The following TC2N variants were observed in gnomAD, a reference collection of about 807,000 sequenced individuals.
The protein encoded by TC2N is tandem C2 domains, nuclear.
TC2N carries 51 observed loss-of-function variants against 61.9 expected under a neutral mutation model. The observed-to-expected ratio is 0.82, with a 90% CI of 0.66 to 1.04. The LOEUF is 1.04. Ranked by LOEUF, TC2N falls within the 50% of genes least tolerant of loss-of-function variation. TC2N has a pLI of 0.00. For missense variants in TC2N, 556 were observed against 566.7 expected (o/e 0.98, Z 0.19); for synonymous variants, 204 against 192.6 (o/e 1.06, Z -0.49).
intron 1 of TC2N, among the ~76,000 whole-genome samples, chr14:91,821,138 A>C (rs990424995): frequency 5.3e-5 from 8 of 152,018 alleles, no homozygotes; most frequent in African/African-American, 1.9e-4. Flanking sequence ...CCTAAAACTC[A>C]TATGGGAACG....
At chr14:91,850,424 C>T (rs1888352183) in intron 1 of TC2N, among the ~76,000 whole-genome samples, 1 of 152,208 alleles carries the variant, frequency 6.6e-6, no homozygotes, top group East Asian at 1.9e-4. Flanking sequence ...TCAGTACCAG[C>T]CTGTGGCCTA....
chr14:91,800,332 C>T lies in TC2N; in HGVS notation c.510G>A (p.Gly170=), dbSNP rs1886163372. Residue 170 remains glycine (G), a synonymous_variant, in exon 5 of 12, where the codon GGG becomes GGA. Coordinates refer to ENST00000435962, the MANE Select transcript of TC2N (RefSeq NM_001128596.3). ...TAAGATCAAACATAGATTTGCTTAG[C>T]CCAGGGGAACCGGGAAGTTTGTTCG... The part of the protein sequence containing the change: ...LRTNKLPGSP[G]LSKSMFDLTN... 5 of 1,604,232 alleles carry T rather than the reference C, an allele frequency of 3.1e-6. No homozygotes were observed. The East Asian group carries it at 1.1e-4, about 36-fold the overall frequency.
chr14:91,781,073 TAAATA>T lies in TC2N; in HGVS notation c.*2022_*2026del, dbSNP rs1273052324. On this transcript the variant is annotated 3_prime_UTR_variant, in exon 12 of 12. Coordinates refer to ENST00000435962, the MANE Select transcript of TC2N (RefSeq NM_001128596.3). ...CATACATTGTAAGAATATAGAAAAT[TAAATA>T]AATCAAATAATTAAATATTAAGTTA... The T allele has an allele frequency of 2.0e-5, 3 of 152,074 alleles. No individual in the cohort carries two copies. The highest frequency in any genetic ancestry group is 4.8e-5 in the African/African-American group (2 of 41,436). 9.4% of individuals were successfully genotyped at this position (152,074 alleles called of 1,614,324 possible). A position where few individuals can be genotyped will look rare whatever the true frequency, so the allele number is the denominator to read the frequency against.
chr14:91,814,917 G>A (rs1461059423), intron 1 of TC2N, among the ~76,000 whole-genome samples: 3 of 151,526 alleles, frequency 2.0e-5, no homozygotes, highest in African/African-American at 7.3e-5. Context: ...ATTTCACAAT[G>A]TATAGGCACT....
chr14:91,839,675 T>G (rs906447921), intron 1 of TC2N, among the ~76,000 whole-genome samples: 1 of 152,238 alleles, frequency 6.6e-6, no homozygotes, highest in Non-Finnish European at 1.5e-5. Context: ...CATGAATACA[T>G]TGGGGGTACC....
chr14:91,808,913 A>G (rs1886640685), intron 3 of TC2N, among the ~76,000 whole-genome samples: 1 of 152,226 alleles, frequency 6.6e-6, no homozygotes, highest in Non-Finnish European at 1.5e-5. Context: ...AATGTTCACA[A>G]CATATTATGT....
chr14:91,829,794 T>C (rs1228001758), intron 1 of TC2N, among the ~76,000 whole-genome samples: 3 of 152,180 alleles, frequency 2.0e-5, no homozygotes, highest in African/African-American at 4.8e-5. Flanking sequence ...TAGAACTTTT[T>C]AAGCTAAAAA....
At chr14:91,840,219 AAT>A (rs1888139141) in intron 1 of TC2N, among the ~76,000 whole-genome samples, 1 of 152,172 alleles carries the variant, frequency 6.6e-6, no homozygotes, top group African/African-American at 2.4e-5. Context: ...GTGAGTGAAA[AAT>A]ATATTTTATT....
intron 3 of TC2N, among the ~76,000 whole-genome samples, chr14:91,804,380 A>C (rs1886405701): frequency 6.6e-6 from 1 of 152,232 alleles, no homozygotes. Flanking sequence ...ACCAAGAGAT[A>C]GGTATAAGAA....
intron 1 of TC2N, among the ~76,000 whole-genome samples, chr14:91,830,099 T>A (rs892366226): frequency 5.9e-5 from 9 of 152,358 alleles, no homozygotes; most frequent in Admixed American, 3.9e-4. Context: ...CTTATGAGAA[T>A]GTAAAATGGT....
chr14:91,848,593 G>C (rs1424922947), intron 1 of TC2N, among the ~76,000 whole-genome samples: 3 of 152,160 alleles, frequency 2.0e-5, no homozygotes, highest in Non-Finnish European at 2.9e-5. Flanking sequence ...AAAACCTCCT[G>C]ACATATGTAA....
intron 1 of TC2N, among the ~76,000 whole-genome samples, chr14:91,858,183 G>C (rs900277799): frequency 7.5e-6 from 1 of 133,582 alleles, no homozygotes; most frequent in African/African-American, 2.8e-5. Context: ...GGTAAAGATG[G>C]GGTTTCACTA....
intron 1 of TC2N, among the ~76,000 whole-genome samples, chr14:91,848,972 G>A (rs1409542381): frequency 6.6e-6 from 1 of 152,142 alleles, no homozygotes; most frequent in African/African-American, 2.4e-5. Flanking sequence ...GGATTCCTTA[G>A]TTTTACTACG....
At chr14:91,850,720 C>T (rs1888359037) in intron 1 of TC2N, among the ~76,000 whole-genome samples, 1 of 152,218 alleles carries the variant, frequency 6.6e-6, no homozygotes, top group African/African-American at 2.4e-5. Context: ...ATCATGAGGT[C>T]AGGAGTTCAA....
At chr14:91,813,508 G>A (rs966405996) in intron 2 of TC2N, among the ~76,000 whole-genome samples, 195 bp downstream of exon 2, 7 of 151,416 alleles carry the variant, frequency 4.6e-5, no homozygotes, top group African/African-American at 1.5e-4. Context: ...AATATCTTAC[G>A]AATCCCCTGG....
rs1595270492 is a variant in TC2N at position 91,837,371 on chromosome 14, C to T, written c.-56-23546G>A. On this transcript the variant is annotated intron_variant, in intron 1 of 11. Transcript: ENST00000435962. This position sits in a 1 kb window ranked among gnomAD's most constrained non-coding sequence, Gnocchi z 4.2. The stretch of plus-strand genomic sequence containing the variant: ...AGTAGCTGGGAATACAGGCGCGAGC[C>T]AGCATGCCAGGCTAATTTTTTAATT... Among the ~76,000 whole-genome samples the T allele has an allele frequency of 6.6e-6, 1 of 152,218 alleles. No homozygotes were observed. The highest frequency in any genetic ancestry group is 1.9e-4 in the East Asian group (1 of 5,184).
At chr14:91,850,593 T>C (rs968530386) in intron 1 of TC2N, among the ~76,000 whole-genome samples, 6 of 152,202 alleles carry the variant, frequency 3.9e-5, no homozygotes, top group African/African-American at 1.4e-4. Flanking sequence ...CAAACCTTAC[T>C]GTGAACTGCG....
At chr14:91,821,399 G>T (rs12589636) in intron 1 of TC2N, among the ~76,000 whole-genome samples, 7 of 151,648 alleles carry the variant, frequency 4.6e-5, no homozygotes, top group Non-Finnish European at 7.4e-5. Flanking sequence ...AATGGTGCTA[G>T]GACACTGAAT....
intron 1 of TC2N, among the ~76,000 whole-genome samples, chr14:91,847,069 C>G (rs907213248): frequency 3.9e-5 from 6 of 152,102 alleles, no homozygotes; most frequent in Non-Finnish European, 8.8e-5. Flanking sequence ...ACCAGCCTGG[C>G]CAACGTGGTG....
Sources: allele counts gnomAD v4.1 joint callset (sites outside exome capture counted in the v4.1 genomes callset), GRCh38; gene constraint gnomAD v4.1.1; non-coding constraint Gnocchi (gnomAD v3.1); transcripts MANE v1.5; gene names NCBI Gene and HGNC (gene_info 2026-07-23, HGNC 2026-07-21).